The following DNAH6 variants were observed in gnomAD, a reference collection of about 807,000 sequenced individuals.
DNAH6 encodes the protein axonemal beta dynein heavy chain 6.
DNAH6 carries 340 observed loss-of-function variants against 491.4 expected under a neutral mutation model. The observed-to-expected ratio is 0.69, with a 90% CI of 0.63 to 0.76. The LOEUF (loss-of-function observed/expected upper bound fraction) is 0.76. DNAH6 is among the 30% of genes least tolerant of loss of function. The probability of loss-of-function intolerance (pLI) is 0.00; values close to 1 mark genes in which losing one functional copy is unlikely to be tolerated. For missense variants in DNAH6, 4,443 were observed against 4,972.2 expected (o/e 0.89, Z 3.20); for synonymous variants, 1,603 against 1,686.1 (o/e 0.95, Z 1.21).
At chr2:84,738,964 A>G (rs1406699172) in intron 62 of DNAH6, among the ~76,000 whole-genome samples, 1 of 152,136 alleles carries the variant, frequency 6.6e-6, no homozygotes, top group Admixed American at 6.5e-5. Context: ...TTTCATGGTA[A>G]CAAGCATTAT....
At chr2:84,641,197 T>C (rs1167018863) in intron 32 of DNAH6, among the ~76,000 whole-genome samples, 2 of 152,168 alleles carry the variant, frequency 1.3e-5, no homozygotes, top group Non-Finnish European at 2.9e-5. Flanking sequence ...AGGAGACCTA[T>C]TTTATCTCTA....
rs1696116961 is a variant in DNAH6, at chr2:84,703,398, C to T, written c.8065C>T (p.Arg2689Ter). Residue 2689 changes from arginine (R) to a stop codon, truncating the protein, a stop_gained, in exon 50 of 77, where the codon CGA becomes TGA. Transcript: ENST00000389394. LOFTEE classifies it high-confidence loss of function. Reference protein sequence around the residue: ...SEKRKQIISARDRVKNGLTKL... With the variant: ...SEKRKQIISA ...ATAAATTTTCATTGTCACTTAGGCA[C>T]GAGATCGGGTGAAGAATGGTCTCAC... 8.0e-6 allele frequency: 12 copies of T among 1,501,072 alleles called. No individual in the cohort carries two copies. The highest frequency in any genetic ancestry group is 1.1e-5 in the Non-Finnish European group (12 of 1,121,012). 93.0% of individuals were successfully genotyped at this position (1,501,072 alleles called of 1,614,324 possible). A position where few individuals can be genotyped will look rare whatever the true frequency, so the allele number is the denominator to read the frequency against.
Position 84,688,490 on chromosome 2 carries a change from A to G in DNAH6, c.7189A>G (p.Lys2397Glu). ...TTATGATGACATGCCTGATATAGAG[A>G]AAACTGCAAATGTTCTACAGGACTA... ...RIYDDMPDIE[K>E]TANVLQDYLD... is the part of the protein sequence containing the mutation. Residue 2397 changes from lysine to glutamate, a missense_variant, in exon 45 of 77, where the codon AAA becomes GAA. Physicochemically the swap from Lys to Glu is moderately conservative, Grantham distance 56 (BLOSUM62 1). This residue lies in a region of DNAH6 where 2,977 missense variants were observed against 3,296.6 expected (regional missense o/e 0.90). Coordinates refer to ENST00000389394, the MANE Select transcript of DNAH6 (RefSeq NM_001370.2). The G allele has an allele frequency of 6.5e-7, 1 of 1,540,366 alleles. No homozygotes were observed. Among genetic ancestry groups the G allele is most frequent in the Non-Finnish European group, 8.7e-7 (1 of 1,144,760 alleles).
At chr2:84,733,385 T>C in intron 61 of DNAH6, 59 bp from the exon 62 acceptor site, 2 of 1,464,278 alleles carry the variant, frequency 1.4e-6, no homozygotes, top group Non-Finnish European at 1.9e-6. Flanking sequence ...TTGGACAAAG[T>C]GAAAGTATAT....
rs914786327 is a variant in DNAH6 at position 84,720,972 on chromosome 2, T to C, written c.9793-1653T>C. On this transcript the variant is annotated intron_variant, in intron 59 of 76. Coordinates refer to ENST00000389394, the MANE Select transcript of DNAH6 (RefSeq NM_001370.2). ...GCTGTGTTTCCTGCCACTTCTTGGC[T>C]ACAGTTTATACTCCTCTCAGCTCTT... 5.9e-5 allele frequency among the ~76,000 whole-genome samples: 9 copies of C among 152,316 alleles called. No homozygotes were observed. The South Asian group carries it at 1.9e-3, about 32-fold the overall frequency.
intron 76 of DNAH6, among the ~76,000 whole-genome samples, chr2:84,818,979 A>C: frequency 6.6e-6 from 1 of 152,206 alleles, no homozygotes; most frequent in Non-Finnish European, 1.5e-5. Flanking sequence ...AGGCTGAGGT[A>C]GGAGAATCAC....
chr2:84,557,065 C>G (rs563320897), intron 10 of DNAH6, among the ~76,000 whole-genome samples: 1 of 152,284 alleles, frequency 6.6e-6, no homozygotes, highest in East Asian at 1.9e-4. Flanking sequence ...GATTAGCTTT[C>G]TGGAATATAG....
intron 65 of DNAH6, among the ~76,000 whole-genome samples, chr2:84,783,709 A>C (rs750838861): frequency 1.3e-5 from 2 of 152,228 alleles, no homozygotes; most frequent in African/African-American, 4.8e-5. Flanking sequence ...TAAACAAAAG[A>C]ACCATAGATA....
chr2:84,737,234 A>G (rs1405880016), intron 62 of DNAH6, among the ~76,000 whole-genome samples: 1 of 151,958 alleles, frequency 6.6e-6, no homozygotes. Flanking sequence ...GTTTGTTAGT[A>G]TTTTGTTGAA....
At chr2:84,471,298 A>C in the DNAH6 span, among the ~76,000 whole-genome samples, 4 of 152,218 alleles carry the variant, frequency 2.6e-5, no homozygotes, top group Non-Finnish European at 5.9e-5. Flanking sequence ...CAGGCTGTGC[A>C]GCCCTTAATT....
chr2:84,753,755 T>TAAAAAA lies in DNAH6; in HGVS notation c.10512+8525_10512+8530dup, dbSNP rs1162541312. On this transcript the variant is annotated intron_variant, in intron 63 of 76. Coordinates refer to ENST00000389394, the MANE Select transcript of DNAH6 (RefSeq NM_001370.2). ...CTGGGCAACAGGAGTGAAACTCTGT[T>TAAAAAA]AAAAAAAAAAAAAAAAAAAAAAAAG... Among the ~76,000 whole-genome samples, 42 of 77,114 alleles carry TAAAAAA rather than the reference T, an allele frequency of 5.4e-4. 1 individual carries two copies. The highest frequency in any genetic ancestry group is 2.2e-3 in the African/African-American group (38 of 17,576). The allele number at this position is 77,114 out of a possible 152,430, so 50.6% of individuals were successfully genotyped here. A position where few individuals can be genotyped will look rare whatever the true frequency, so the allele number is the denominator to read the frequency against.
At position 84,796,433 on chromosome 2, in the gene DNAH6, A is replaced by C. The variant is rs1275882273; in HGVS notation, c.11359+8A>C. On this transcript the variant is annotated splice_region_variant and intron_variant, in intron 69 of 76. Transcript: ENST00000389394. ...ATAAATACTCTGAATCAGGTGAATG[A>C]CTTTTCAATATTACAGAAAAGGCCT... 3.3e-6 allele frequency: 5 copies of C among 1,496,014 alleles called. No individual in the cohort carries two copies. In the South Asian group the frequency reaches 5.4e-5, roughly 16 times the overall value. The allele number at this position is 1,496,014 out of a possible 1,614,324, so 92.7% of individuals were successfully genotyped here. A position where few individuals can be genotyped will look rare whatever the true frequency, so the allele number is the denominator to read the frequency against.
At chr2:84,645,485 A>G (rs1048580674) in intron 33 of DNAH6, among the ~76,000 whole-genome samples, 1 of 152,058 alleles carries the variant, frequency 6.6e-6, no homozygotes, top group Non-Finnish European at 1.5e-5. Context: ...TGTGGTTTTG[A>G]TTTGCATTTC....
At position 84,677,121 on chromosome 2, in the gene DNAH6, G is replaced by A; in HGVS notation, c.6729G>A (p.Leu2243=). The change falls in exon 41 of 77, where the codon CTG becomes CTA. Residue 2243 remains leucine (L), a synonymous_variant. Coordinates refer to ENST00000389394, the MANE Select transcript of DNAH6 (RefSeq NM_001370.2). ...TCCCAATGCCCTCAGAGCACAGTCT[G>A]AAACAGATTTTTCAGGTGAGTGTCG... The part of the protein sequence containing the change: ...LCLPMPSEHS[L]KQIFQAILNG... 6.4e-7 allele frequency: 1 copy of A among 1,551,694 alleles called. No individual in the cohort carries two copies. The highest frequency in any genetic ancestry group is 1.4e-5 in the African/African-American group (1 of 73,178).
chr2:84,587,915 A>G (rs1053390150), intron 15 of DNAH6, among the ~76,000 whole-genome samples: 14 of 152,162 alleles, frequency 9.2e-5, no homozygotes, highest in Non-Finnish European at 2.1e-4. Context: ...GCTGTTAACT[A>G]AGGGTCTTTC....
At chr2:84,736,215 G>A (rs1361763919) in intron 62 of DNAH6, among the ~76,000 whole-genome samples, 1 of 151,874 alleles carries the variant, frequency 6.6e-6, no homozygotes, top group Non-Finnish European at 1.5e-5. Flanking sequence ...GTCTACTTTT[G>A]TACCAGTACC....
the DNAH6 span, among the ~76,000 whole-genome samples, chr2:84,494,507 A>G: frequency 2.0e-5 from 3 of 152,230 alleles, no homozygotes; most frequent in Non-Finnish European, 4.4e-5. Context: ...CTGCAAAAAT[A>G]TCATACACGG....
In DNAH6 at chr2:84,634,536, G is replaced by A. The variant is rs1206499092; in HGVS notation, c.4548G>A (p.Gln1516=). The A allele has an allele frequency of 6.5e-7, 1 of 1,549,064 alleles. No individual in the cohort carries two copies. Among genetic ancestry groups the A allele is most frequent in the Non-Finnish European group, 8.7e-7 (1 of 1,146,070 alleles). ...MMGRFFSGLA[Q]SGAWCCFDEF... ...GGCGCTTCTTCAGTGGCTTGGCACA[G>A]TCAGGGGCCTGGTGCTGCTTTGATG... The change falls in exon 30 of 77, where the codon CAG becomes CAA. Residue 1516 remains glutamine, a synonymous_variant. Coordinates refer to ENST00000389394, the MANE Select transcript of DNAH6 (RefSeq NM_001370.2).
At chr2:84,680,227 A>T (rs1323979008) in intron 41 of DNAH6, among the ~76,000 whole-genome samples, 1 of 152,202 alleles carries the variant, frequency 6.6e-6, no homozygotes, top group African/African-American at 2.4e-5. Context: ...CCAAATCTGA[A>T]GTCACAACTT....
Sources: gnomAD v4.1 joint callset for allele counts (sites outside exome capture counted in the v4.1 genomes callset) on GRCh38, gnomAD v4.1.1 for gene constraint, gnomAD v4.1.1 regional missense constraint, MANE v1.5 for transcripts, NCBI Gene and HGNC (gene_info 2026-07-23, HGNC 2026-07-21) for gene names.